ARHGAP15: variants seen among roughly 807,000 people sequenced by gnomAD.
ARHGAP15 encodes the protein Rho GTPase activating protein 15, also known as rho GTPase-activating protein 15.
A neutral mutation model predicts 63.7 loss-of-function variants in ARHGAP15; 51 were observed. The ratio of observed to expected loss-of-function variants is 0.80; its 90% confidence interval spans 0.64 to 1.01. The LOEUF (loss-of-function observed/expected upper bound fraction) is 1.01. Ranked by LOEUF, ARHGAP15 falls within the 50% of genes least tolerant of loss-of-function variation. The pLI is 0.00. For missense variants in ARHGAP15, 560 were observed against 564.6 expected, an observed-to-expected ratio of 0.99 and a Z score of 0.08; for synonymous variants, 191 against 193.8, an observed-to-expected ratio of 0.99 and a Z score of 0.12.
intron 5 of ARHGAP15, among the ~76,000 whole-genome samples, chr2:143,233,969 C>G (rs548081355): frequency 6.6e-6 from 1 of 152,152 alleles, no homozygotes; most frequent in East Asian, 1.9e-4. Context: ...TCAAATGTAG[C>G]CCTTTTTACA....
At chr2:143,585,842 C>T (rs1400905134) in intron 11 of ARHGAP15, among the ~76,000 whole-genome samples, 1 of 152,030 alleles carries the variant, frequency 6.6e-6, no homozygotes, top group Non-Finnish European at 1.5e-5. Context: ...TTATTCTATG[C>T]TGCACAGGAA....
intron 12 of ARHGAP15, among the ~76,000 whole-genome samples, chr2:143,683,376 AT>A (rs1295811285): frequency 5.9e-5 from 9 of 152,170 alleles, no homozygotes; most frequent in Non-Finnish European, 1.2e-4. Flanking sequence ...ACTTCAGAAT[AT>A]TTTATCCTCA....
At chr2:143,405,991 C>A (rs879736901) in intron 6 of ARHGAP15, among the ~76,000 whole-genome samples, 10 of 151,936 alleles carry the variant, frequency 6.6e-5, no homozygotes, top group Non-Finnish European at 1.3e-4. Flanking sequence ...ATCTTATCTA[C>A]TTGTAAATTC....
chr2:143,349,312 A>G (rs1268096428), intron 6 of ARHGAP15, among the ~76,000 whole-genome samples: 3 of 152,206 alleles, frequency 2.0e-5, no homozygotes, highest in Admixed American at 6.5e-5. Context: ...ATCAAAGTCT[A>G]TTTAACAGGC....
intron 10 of ARHGAP15, among the ~76,000 whole-genome samples, chr2:143,524,859 G>T (rs556460538): frequency 2.8e-4 from 43 of 152,282 alleles, no homozygotes; most frequent in Admixed American, 1.2e-3. Context: ...ACATGAATGT[G>T]TTATATAAAT....
intron 12 of ARHGAP15, among the ~76,000 whole-genome samples, chr2:143,625,761 C>A (rs556507851): frequency 1.3e-5 from 2 of 152,286 alleles, no homozygotes; most frequent in South Asian, 4.1e-4. Flanking sequence ...ATTGGAGGGA[C>A]TTTGCATTTG....
chr2:143,391,962 A>C (rs1223764987), intron 6 of ARHGAP15, among the ~76,000 whole-genome samples: 2 of 152,220 alleles, frequency 1.3e-5, no homozygotes, highest in Non-Finnish European at 2.9e-5. Context: ...ACGTATTATT[A>C]GAAACTAACA....
At chr2:143,170,216 G>A (rs72992671) in intron 2 of ARHGAP15, among the ~76,000 whole-genome samples, 8,103 of 152,046 alleles carry the variant, frequency 0.053, 264 homozygotes, top group Middle Eastern at 0.082. Flanking sequence ...TCACCTCTGC[G>A]TTTTATTATT....
At chr2:143,519,209 A>G (rs1693953315) in intron 9 of ARHGAP15, 57 bp from the exon 10 acceptor site, 2 of 1,346,200 alleles carry the variant, frequency 1.5e-6, no homozygotes, top group Non-Finnish European at 2.1e-6. Context: ...ACGGAATCAA[A>G]TTAAAGAACA....
intron 12 of ARHGAP15, among the ~76,000 whole-genome samples, chr2:143,686,741 A>C (rs1018273550): frequency 6.6e-6 from 1 of 152,194 alleles, no homozygotes; most frequent in African/African-American, 2.4e-5. Context: ...GACACTTCTA[A>C]GATTAACCAA....
intron 13 of ARHGAP15, among the ~76,000 whole-genome samples, chr2:143,707,838 T>C (rs1358649686): frequency 6.6e-6 from 1 of 152,184 alleles, no homozygotes; most frequent in African/African-American, 2.4e-5. Context: ...AAATGTTAAA[T>C]AAAATCAGAG....
At chr2:143,178,517 C>A (rs749001448) in intron 2 of ARHGAP15, among the ~76,000 whole-genome samples, 1 of 152,174 alleles carries the variant, frequency 6.6e-6, no homozygotes, top group East Asian at 1.9e-4. Flanking sequence ...GAAGAATTCA[C>A]GCTAAATAAA....
At chr2:143,445,150 A>C (rs903104418) in intron 8 of ARHGAP15, among the ~76,000 whole-genome samples, 6 of 71,338 alleles carry the variant, frequency 8.4e-5, no homozygotes, top group Non-Finnish European at 1.3e-4. Flanking sequence ...ATTAAGAACA[A>C]TTATTTTTTT....
intron 6 of ARHGAP15, among the ~76,000 whole-genome samples, chr2:143,285,049 CAT>C (rs1180327978): frequency 6.6e-6 from 1 of 152,014 alleles, no homozygotes; most frequent in East Asian, 1.9e-4. Context: ...CAGTCAAAGA[CAT>C]ATATTGATGA....
At chr2:143,532,827 T>C (rs1280852161) in intron 10 of ARHGAP15, among the ~76,000 whole-genome samples, 2 of 152,222 alleles carry the variant, frequency 1.3e-5, no homozygotes, top group East Asian at 3.8e-4. Context: ...TTTCAAAAGA[T>C]ATTGCATAGA....
At chr2:143,220,570 C>A (rs1323599174) in intron 4 of ARHGAP15, among the ~76,000 whole-genome samples, 2 of 152,134 alleles carry the variant, frequency 1.3e-5, no homozygotes, top group African/African-American at 4.8e-5. Flanking sequence ...AATCACACGA[C>A]CATTTTAAAT....
chr2:143,645,768 G>T (rs1250008290), intron 12 of ARHGAP15, among the ~76,000 whole-genome samples: 1 of 152,006 alleles, frequency 6.6e-6, no homozygotes, highest in African/African-American at 2.4e-5. Flanking sequence ...AGGAAATTCA[G>T]CTTATATTGC....
chr2:143,440,484 G>C (rs1176046669), intron 8 of ARHGAP15, among the ~76,000 whole-genome samples: 1 of 152,022 alleles, frequency 6.6e-6, no homozygotes, highest in Non-Finnish European at 1.5e-5. Context: ...CATGAGTTTT[G>C]CCGCCAAGAT....
At chr2:143,305,903 CAAAT>C (rs1201719691) in intron 6 of ARHGAP15, among the ~76,000 whole-genome samples, 1 of 152,004 alleles carries the variant, frequency 6.6e-6, no homozygotes, top group Non-Finnish European at 1.5e-5. Flanking sequence ...GCATGCCAAT[CAAAT>C]AAAACTAGTT....
Sources: gnomAD v4.1 joint callset for allele counts (sites outside exome capture counted in the v4.1 genomes callset) on GRCh38, gnomAD v4.1.1 for gene constraint, MANE v1.5 for transcripts, NCBI Gene and HGNC (gene_info 2026-07-23, HGNC 2026-07-21) for gene names.